PDS5A: variants seen among roughly 807,000 people sequenced by gnomAD.
PDS5A encodes the protein PDS5 cohesin associated factor A.
PDS5A carries 42 observed loss-of-function variants against 167.1 expected under a neutral mutation model. That is an observed-to-expected ratio of 0.25 (90% CI 0.20 to 0.33). The LOEUF is 0.33. Among genes scored for constraint, PDS5A ranks in the 10% least tolerant of loss-of-function variants. The pLI is 1.00. For synonymous variants in PDS5A, 553 were observed against 554.6 expected, an observed-to-expected ratio of 1.00 and a Z score of 0.04; for missense variants, 1,033 against 1,605.9, an observed-to-expected ratio of 0.64 and a Z score of 6.10.
At chr4:39,943,899 C>T (rs1235838813) in intron 2 of PDS5A, among the ~76,000 whole-genome samples, 2 of 151,936 alleles carry the variant, frequency 1.3e-5, no homozygotes, top group Admixed American at 6.6e-5. Context: ...ATTAGTCGGC[C>T]GGGTGTGGTG....
At chr4:39,848,568 A>C (rs1560424331) in intron 28 of PDS5A, 3 of 334,082 alleles carry the variant, frequency 9.0e-6, no homozygotes, top group Admixed American at 4.7e-5. Context: ...CTGCAAAAAT[A>C]CTACCCATGT....
intron 10 of PDS5A, among the ~76,000 whole-genome samples, chr4:39,909,040 AAAAATAAAATAAAAT>A (rs59403675): frequency 0.014 from 1,761 of 126,054 alleles, 35 homozygotes; most frequent in African/African-American, 0.035. Context: ...CCCTGTATCA[AAAAATAAAATAAAAT>A]AAAATAAAAT....
intron 2 of PDS5A, 89 bp downstream of exon 2, chr4:39,976,351 G>C (rs1330234696): frequency 2.7e-6 from 3 of 1,125,092 alleles, no homozygotes; most frequent in African/African-American, 3.1e-5. Context: ...AAAAAACTTG[G>C]AACTTTAAAG....
chr4:39,890,782 AATTTTTGTT>A (rs1296856495), intron 16 of PDS5A, among the ~76,000 whole-genome samples: 1 of 151,778 alleles, frequency 6.6e-6, no homozygotes, highest in Non-Finnish European at 1.5e-5. Context: ...ATGCCCAGCT[AATTTTTGTT>A]ATTTTTGTAG....
intron 13 of PDS5A, among the ~76,000 whole-genome samples, chr4:39,901,305 T>C (rs1722868888): frequency 6.7e-6 from 1 of 149,088 alleles, no homozygotes; most frequent in African/African-American, 2.5e-5. Flanking sequence ...TCTCACTCTG[T>C]TGCCCAGGCT....
At chr4:39,936,758 C>T (rs1726656342) in intron 2 of PDS5A, 2 of 152,084 alleles carry the variant, frequency 1.3e-5, no homozygotes, top group African/African-American at 4.8e-5. Flanking sequence ...TTTACTGTCA[C>T]AGTTTTATTA....
intron 3 of PDS5A, 109 bp from the exon 4 acceptor site, chr4:39,926,970 C>G (rs1725532673): frequency 2.2e-6 from 2 of 927,270 alleles, no homozygotes; most frequent in African/African-American, 3.5e-5. Flanking sequence ...AAAGAAAATT[C>G]TCCTTTAGAT....
intron 20 of PDS5A, among the ~76,000 whole-genome samples, chr4:39,873,750 A>G (rs1166818171): frequency 1.3e-5 from 2 of 152,232 alleles, no homozygotes; most frequent in Non-Finnish European, 2.9e-5. Flanking sequence ...ATGTTCTAAC[A>G]TAAACACATA....
At chr4:39,900,826 C>G (rs924321116) in intron 13 of PDS5A, among the ~76,000 whole-genome samples, 9 of 152,056 alleles carry the variant, frequency 5.9e-5, no homozygotes, top group African/African-American at 2.2e-4. Flanking sequence ...GGACATAAAA[C>G]AAACTGAAAA....
chr4:39,842,878 A>G (rs1717151401), intron 30 of PDS5A, among the ~76,000 whole-genome samples: 1 of 137,404 alleles, frequency 7.3e-6, no homozygotes, highest in East Asian at 2.2e-4. Flanking sequence ...ATAATTAGAA[A>G]ATGTTAGAAC....
chr4:39,868,156 T>C (rs1719717481), intron 22 of PDS5A, among the ~76,000 whole-genome samples: 1 of 152,172 alleles, frequency 6.6e-6, no homozygotes, highest in African/African-American at 2.4e-5. Flanking sequence ...TTACATCTAT[T>C]AAATGTCACA....
intron 32 of PDS5A, among the ~76,000 whole-genome samples, 176 bp from the exon 33 acceptor site, chr4:39,825,664 A>C (rs1003456560): frequency 6.6e-6 from 1 of 151,438 alleles, no homozygotes; most frequent in African/African-American, 2.4e-5. Flanking sequence ...ATCATGGCTC[A>C]CTCAGCCCCA....
At chr4:39,890,951 T>C (rs1721906811) in intron 16 of PDS5A, among the ~76,000 whole-genome samples, 2 of 152,088 alleles carry the variant, frequency 1.3e-5, no homozygotes, top group African/African-American at 4.8e-5. Context: ...TAATTTAGAA[T>C]AAAAACAATT....
At chr4:39,881,436 A>G (rs1308112052) in intron 17 of PDS5A, among the ~76,000 whole-genome samples, 1 of 151,852 alleles carries the variant, frequency 6.6e-6, no homozygotes, top group Non-Finnish European at 1.5e-5. Context: ...TAAGTTTAGC[A>G]CTTACTTTCC....
At chr4:39,874,442 T>C (rs765613805) in intron 19 of PDS5A, 30 bp from the exon 20 acceptor site, 6 of 1,595,268 alleles carry the variant, frequency 3.8e-6, no homozygotes, top group East Asian at 2.2e-5. Flanking sequence ...TGTTTTTTTT[T>C]CTTAAACCCA....
chr4:39,886,162 C>A (rs1721457630), intron 17 of PDS5A, among the ~76,000 whole-genome samples: 1 of 152,076 alleles, frequency 6.6e-6, no homozygotes, highest in Non-Finnish European at 1.5e-5. Flanking sequence ...GTTCTCAATT[C>A]TGTTCCTTTA....
intron 17 of PDS5A, among the ~76,000 whole-genome samples, chr4:39,880,495 C>A (rs1024990790): frequency 1.3e-5 from 2 of 151,982 alleles, no homozygotes; most frequent in African/African-American, 2.4e-5. Context: ...GTTTTGAGAT[C>A]AGTAAACTGA....
Position 39,898,770 on chromosome 4 carries a change from TACTC to T in PDS5A, c.1630+3_1630+6del. 2 of 1,552,972 alleles carry T rather than the reference TACTC, an allele frequency of 1.3e-6. No individual in the cohort carries two copies. The highest frequency in any genetic ancestry group is 1.8e-6 in the Non-Finnish European group (2 of 1,134,318). ...TACATGTTTAGTGAGTAAATAAACA[TACTC>T]ACTTGCTATGGTCATCAGTTTTCCA... is the stretch of plus-strand genomic sequence containing the variant. On this transcript the variant is annotated splice_donor_5th_base_variant and intron_variant, in intron 15 of 32. Transcript: ENST00000303538.
intron 26 of PDS5A, among the ~76,000 whole-genome samples, chr4:39,852,862 C>T (rs1203590152): frequency 2.0e-5 from 3 of 152,144 alleles, no homozygotes; most frequent in African/African-American, 4.8e-5. Flanking sequence ...CTGTTCAACA[C>T]GATTTCCTAA....
Sources: allele counts gnomAD v4.1 joint callset (sites outside exome capture counted in the v4.1 genomes callset), GRCh38; gene constraint gnomAD v4.1.1; transcripts MANE v1.5; gene names NCBI Gene and HGNC (gene_info 2026-07-23, HGNC 2026-07-21).